The following DDX1 variants were observed in gnomAD, a reference collection of about 807,000 sequenced individuals.
The protein encoded by DDX1 is ATP-dependent RNA helicase DDX1.
A neutral mutation model predicts 108.7 loss-of-function variants in DDX1; 28 were observed. That is an observed-to-expected ratio of 0.26 (90% CI 0.19 to 0.35). DDX1 has a LOEUF of 0.35. Among genes scored for constraint, DDX1 ranks in the 10% least tolerant of loss-of-function variants. The pLI is 1.00. For missense variants in DDX1, 710 were observed against 884.5 expected, an observed-to-expected ratio of 0.80 and a Z score of 2.50; for synonymous variants, 295 against 288.9, an observed-to-expected ratio of 1.02 and a Z score of -0.21.
chr2:15,628,971 C>A, intron 23 of DDX1, 132 bp downstream of exon 23: 1 of 793,250 alleles, frequency 1.3e-6, no homozygotes. Flanking sequence ...TTTTTAATGT[C>A]ATCTTTTTTC....
At chr2:15,604,996 T>C (rs1306543372) in intron 10 of DDX1, among the ~76,000 whole-genome samples, 2 of 152,170 alleles carry the variant, frequency 1.3e-5, no homozygotes, top group African/African-American at 4.8e-5. Context: ...AGGAAGCCAC[T>C]AGATCTGGAG....
intron 14 of DDX1, among the ~76,000 whole-genome samples, chr2:15,614,741 T>C (rs953973550): frequency 1.3e-5 from 2 of 152,242 alleles, no homozygotes; most frequent in Non-Finnish European, 2.9e-5. Context: ...TATTCTTTTC[T>C]TTATAAATTA....
At chr2:15,604,271 C>T (rs1665630674) in intron 9 of DDX1, among the ~76,000 whole-genome samples, 166 bp from the exon 10 acceptor site, 1 of 152,174 alleles carries the variant, frequency 6.6e-6, no homozygotes, top group African/African-American at 2.4e-5. Flanking sequence ...TATGTTGATT[C>T]TAACAAGCCT....
At chr2:15,614,674 T>C (rs1452582836) in intron 14 of DDX1, among the ~76,000 whole-genome samples, 2 of 152,210 alleles carry the variant, frequency 1.3e-5, no homozygotes, top group African/African-American at 4.8e-5. Context: ...TGACCCTCAC[T>C]AGTTGCTGCT....
At chr2:15,603,631 A>C in intron 8 of DDX1, among the ~76,000 whole-genome samples, 183 bp from the exon 9 acceptor site, 1 of 152,226 alleles carries the variant, frequency 6.6e-6, no homozygotes. Flanking sequence ...TGGTGTCCCT[A>C]GTCTCACACA....
chr2:15,595,371 G>A, intron 2 of DDX1, 119 bp from the exon 3 acceptor site: 2 of 925,028 alleles, frequency 2.2e-6, no homozygotes, highest in Non-Finnish European at 3.4e-6. Context: ...ATTTCTAGTG[G>A]AATAAGATGG....
intron 19 of DDX1, 41 bp downstream of exon 19, chr2:15,623,623 C>G: frequency 6.6e-7 from 1 of 1,522,280 alleles, no homozygotes; most frequent in Non-Finnish European, 9.1e-7. Flanking sequence ...TTTATATCCT[C>G]TTGTAATAGA....
intron 6 of DDX1, 39 bp from the exon 7 acceptor site, chr2:15,602,509 G>A: frequency 2.7e-6 from 4 of 1,469,124 alleles, no homozygotes; most frequent in Non-Finnish European, 2.9e-6. Context: ...TATAAAACCT[G>A]TACTGACGTG....
chr2:15,617,464 A>C (rs1229815034), intron 15 of DDX1, 122 bp downstream of exon 15: 3 of 439,232 alleles, frequency 6.8e-6, no homozygotes, highest in African/African-American at 6.1e-5. Flanking sequence ...AATCATTGTT[A>C]TCAGTTTGGT....
chr2:15,594,780 A>T (rs970057792), intron 1 of DDX1, among the ~76,000 whole-genome samples: 1 of 152,252 alleles, frequency 6.6e-6, no homozygotes, highest in Non-Finnish European at 1.5e-5. Flanking sequence ...TTCACGAGTC[A>T]TGAGAGGTAA....
intron 16 of DDX1, 68 bp downstream of exon 16, chr2:15,618,338 CA>C: frequency 1.2e-6 from 1 of 824,612 alleles, no homozygotes; most frequent in East Asian, 2.5e-5. Context: ...TACGGGATCC[CA>C]GGGGGTGTTG....
chr2:15,610,126 C>T lies in DDX1; in HGVS notation c.956+2813C>T, dbSNP rs943941802. On this transcript the variant is annotated intron_variant, in intron 13 of 25. Transcript: ENST00000233084. ...ATTTTATTTTTTGTGGAGACATGGTCTTGCTATGTTGTGCAGGCTGGTCTC... is the reference window on the plus strand; with the variant it reads ...ATTTTATTTTTTGTGGAGACATGGTTTTGCTATGTTGTGCAGGCTGGTCTC... 2.6e-5 allele frequency among the ~76,000 whole-genome samples: 4 copies of T among 152,200 alleles called. 1 individual carries two copies. Among genetic ancestry groups the T allele is most frequent in the Admixed American group, 2.6e-4 (4 of 15,286 alleles).
At position 15,623,488 on chromosome 2, in the gene DDX1, A is replaced by C; in HGVS notation, c.1500A>C (p.Ala500=). 2 of 1,613,704 alleles carry C rather than the reference A, an allele frequency of 1.2e-6. No homozygotes were observed. The highest frequency in any genetic ancestry group is 1.7e-4 in the Middle Eastern group (1 of 6,056). ...TGAAAGGGGAGTATGCTGTCCGGGC[A>C]ATCAAGGAACATAAGATGGATCAAG... ...KILKGEYAVR[A]IKEHKMDQAI... Residue 500 remains alanine, a synonymous_variant, in exon 19 of 26, where the codon GCA becomes GCC. Transcript: ENST00000233084.
At chr2:15,614,621 T>G (rs775049917) in intron 14 of DDX1, among the ~76,000 whole-genome samples, 1 of 152,204 alleles carries the variant, frequency 6.6e-6, no homozygotes, top group Non-Finnish European at 1.5e-5. Context: ...TGCAGGAGTT[T>G]CGGCCCGTTT....
In DDX1 at chr2:15,591,897, G is replaced by C; in HGVS notation, c.-37G>C. 1 of 1,466,476 alleles carries C rather than the reference G, an allele frequency of 6.8e-7. No individual in the cohort carries two copies. Among genetic ancestry groups the C allele is most frequent in the Non-Finnish European group, 9.0e-7 (1 of 1,108,468 alleles). The allele number at this position is 1,466,476 out of a possible 1,614,324, so 90.8% of individuals were successfully genotyped here. ...CCACGCCGTGTCAGTCGGGAGGGAGGGAGCGAGCAGGCGAAGCCGCGGAGG... is the reference window on the plus strand; with the variant it reads ...CCACGCCGTGTCAGTCGGGAGGGAGCGAGCGAGCAGGCGAAGCCGCGGAGG... On this transcript the variant is annotated 5_prime_UTR_variant, in exon 1 of 26. Coordinates refer to ENST00000233084, the MANE Select transcript of DDX1 (RefSeq NM_004939.3).
chr2:15,618,163 T>G lies in DDX1; in HGVS notation c.1117-18T>G. 6.9e-7 allele frequency: 1 copy of G among 1,451,932 alleles called. No individual in the cohort carries two copies. The highest frequency in any genetic ancestry group is 2.3e-5 in the East Asian group (1 of 43,714). 89.9% of individuals were successfully genotyped at this position (1,451,932 alleles called of 1,614,324 possible). Reference sequence around the variant, plus strand: ...CATACTGATTAAAAACTTAATTTATTCTTTGTTTCTCATGCAGGATGGGCT... The same window carrying G: ...CATACTGATTAAAAACTTAATTTATGCTTTGTTTCTCATGCAGGATGGGCT... On this transcript the variant is annotated intron_variant, in intron 15 of 25. Transcript: ENST00000233084.
chr2:15,594,189 A>G (rs1365196203), intron 1 of DDX1, among the ~76,000 whole-genome samples: 1 of 152,158 alleles, frequency 6.6e-6, no homozygotes, highest in Non-Finnish European at 1.5e-5. Flanking sequence ...TATGAAGAAT[A>G]TTTTCAGTTT....
chr2:15,619,435 A>G (rs983217017), intron 16 of DDX1, among the ~76,000 whole-genome samples: 5 of 151,992 alleles, frequency 3.3e-5, no homozygotes, highest in African/African-American at 4.8e-5. Flanking sequence ...TGCGGGGCAC[A>G]GGGAACCCAC....
intron 11 of DDX1, 34 bp downstream of exon 11, chr2:15,606,060 T>C (rs775024914): frequency 4.5e-6 from 7 of 1,559,180 alleles, no homozygotes; most frequent in African/African-American, 4.1e-5. Flanking sequence ...AAATTTGCTG[T>C]GGTTGTAAGC....
Sources: allele counts gnomAD v4.1 joint callset (sites outside exome capture counted in the v4.1 genomes callset), GRCh38; gene constraint gnomAD v4.1.1; transcripts MANE v1.5; gene names NCBI Gene and HGNC (gene_info 2026-07-23, HGNC 2026-07-21).